ERC1: variants seen among roughly 807,000 people sequenced by gnomAD.
The protein encoded by ERC1 is ELKS/RAB6-interacting/CAST family member 1.
In ERC1, 56 loss-of-function variants were observed where a neutral mutation model predicts 132.0. That is an observed-to-expected ratio of 0.42 (90% CI 0.34 to 0.53). ERC1 has a LOEUF of 0.53. Ranked by LOEUF, ERC1 falls within the 20% of genes least tolerant of loss-of-function variation. ERC1 has a pLI of 0.03. For missense variants in ERC1, 1,202 were observed against 1,349.9 expected (o/e 0.89, Z 1.72); for synonymous variants, 478 against 476.1 (o/e 1.00, Z -0.05).
intron 8 of ERC1, chr12:1,152,462 A>C (rs1950925556): frequency 6.5e-6 from 1 of 152,842 alleles, no homozygotes; most frequent in African/African-American, 2.4e-5. Context: ...GCTGGGGTTG[A>C]GGAAGAAGAG....
At chr12:1,360,674 T>A (rs955032505) in intron 15 of ERC1, among the ~76,000 whole-genome samples, 3 of 152,158 alleles carry the variant, frequency 2.0e-5, no homozygotes, top group Non-Finnish European at 2.9e-5. Flanking sequence ...TGGAATAAAT[T>A]TTTGTGTAAC....
chr12:1,048,149 A>T (rs1253505615), intron 2 of ERC1, among the ~76,000 whole-genome samples: 1 of 152,078 alleles, frequency 6.6e-6, no homozygotes, highest in Admixed American at 6.6e-5. Context: ...ATGTTTTTGC[A>T]TTTGTTTGGT....
intron 18 of ERC1, among the ~76,000 whole-genome samples, chr12:1,478,448 T>C (rs1048347897): frequency 6.6e-6 from 1 of 152,236 alleles, no homozygotes; most frequent in African/African-American, 2.4e-5. Flanking sequence ...ACATCAGATA[T>C]GTATCTTCTC....
chr12:1,112,164 A>G (rs1343123511), intron 5 of ERC1, 51 bp from the exon 6 acceptor site: 1 of 1,263,446 alleles, frequency 7.9e-7, no homozygotes, highest in Non-Finnish European at 1.2e-6. Context: ...GTAGACAAGA[A>G]GAAGACCTAA....
chr12:1,454,031 T>C (rs1592156590), intron 18 of ERC1, among the ~76,000 whole-genome samples: 1 of 152,076 alleles, frequency 6.6e-6, no homozygotes, highest in African/African-American at 2.4e-5. Context: ...TGATAGATGG[T>C]TGGGACTCTC....
At chr12:1,065,610 G>A (rs1415176472) in intron 2 of ERC1, among the ~76,000 whole-genome samples, 1 of 148,526 alleles carries the variant, frequency 6.7e-6, no homozygotes, top group Admixed American at 6.7e-5. Flanking sequence ...GGGGGGGACG[G>A]ATTTCTTCCT....
intron 7 of ERC1, among the ~76,000 whole-genome samples, chr12:1,139,634 C>T (rs1012392750): frequency 1.3e-5 from 2 of 151,734 alleles, no homozygotes; most frequent in African/African-American, 2.4e-5. Context: ...CAAAAATATA[C>T]ATGAACACAT....
In ERC1 at chr12:1,491,713, C is replaced by T. The variant is rs938334899; in HGVS notation, c.*1483C>T. The stretch of plus-strand genomic sequence containing the variant: ...CTACTTGTGGGTGGCCATTTCCTGA[C>T]ATCTGCATGTACCTCGTGGAATTCA... On this transcript the variant is annotated 3_prime_UTR_variant, in exon 19 of 19. Transcript: ENST00000360905. 9.1e-5 allele frequency: 21 copies of T among 230,898 alleles called. No homozygotes were observed. The highest frequency in any genetic ancestry group is 3.5e-4 in the African/African-American group (16 of 45,172). The allele number at this position is 230,898 out of a possible 1,614,324, so 14.3% of individuals were successfully genotyped here.
chr12:1,484,282 T>C (rs61912165), intron 18 of ERC1, among the ~76,000 whole-genome samples: 4,671 of 151,356 alleles, frequency 0.031, 131 homozygotes, highest in Non-Finnish European at 0.039. Context: ...TCCAGCCTGG[T>C]GACAGAGCGA....
intron 3 of ERC1, 49 bp downstream of exon 3, chr12:1,083,629 T>TC (rs1238866350): frequency 1.4e-6 from 2 of 1,415,374 alleles, no homozygotes; most frequent in South Asian, 1.4e-5. Context: ...ATCTTTTTTT[T>TC]CACTGATTAA....
chr12:1,440,317 G>A (rs533549185), intron 17 of ERC1, among the ~76,000 whole-genome samples: 1 of 142,952 alleles, frequency 7.0e-6, no homozygotes, highest in African/African-American at 2.7e-5. Flanking sequence ...CCATTCTCCT[G>A]CCTCAGCCTC....
chr12:1,124,570 AAAGC>A (rs1442608747), intron 7 of ERC1, among the ~76,000 whole-genome samples: 2 of 151,918 alleles, frequency 1.3e-5, no homozygotes, highest in African/African-American at 2.4e-5. Flanking sequence ...ATAAGAAAGA[AAAGC>A]AAGTAATCTA....
At chr12:1,418,153 C>G (rs73026496) in intron 17 of ERC1, among the ~76,000 whole-genome samples, 7,874 of 152,128 alleles carry the variant, frequency 0.052, 273 homozygotes, top group East Asian at 0.094. Context: ...TTTTTAAAGA[C>G]GTTATTATGC....
intron 8 of ERC1, among the ~76,000 whole-genome samples, chr12:1,164,818 A>C (rs753848614): frequency 2.0e-5 from 3 of 152,210 alleles, no homozygotes; most frequent in Non-Finnish European, 4.4e-5. Context: ...GTTGGAAATC[A>C]AAGAGTGAGT....
At chr12:1,292,740 G>T (rs780793362) in intron 15 of ERC1, among the ~76,000 whole-genome samples, 2 of 152,228 alleles carry the variant, frequency 1.3e-5, no homozygotes, top group Non-Finnish European at 2.9e-5. Flanking sequence ...GCCGGGCACG[G>T]TGGTTCACAC....
intron 1 of ERC1, among the ~76,000 whole-genome samples, chr12:1,018,143 A>G (rs1965807648): frequency 6.6e-6 from 1 of 152,230 alleles, no homozygotes; most frequent in Non-Finnish European, 1.5e-5. Context: ...TTCAGGGGAT[A>G]GATGACAAAA....
At chr12:1,236,736 T>G (rs2075439630) in intron 12 of ERC1, 33 bp from the exon 13 acceptor site, 1 of 1,602,562 alleles carries the variant, frequency 6.2e-7, no homozygotes, top group African/African-American at 1.4e-5. Context: ...TACATACATA[T>G]GCAAAGCTTG....
chr12:1,406,493 G>A (rs1055946228), intron 16 of ERC1, among the ~76,000 whole-genome samples: 9 of 152,162 alleles, frequency 5.9e-5, no homozygotes, highest in African/African-American at 2.2e-4. Flanking sequence ...TAGAGAAAAA[G>A]TAGAATAAAT....
chr12:1,485,149 A>G (rs1592347542), intron 18 of ERC1, among the ~76,000 whole-genome samples: 1 of 151,502 alleles, frequency 6.6e-6, no homozygotes, highest in African/African-American at 2.4e-5. Context: ...TCAGCCTCCC[A>G]AAGTGCTGGG....
Sources: gnomAD v4.1 joint callset for allele counts (sites outside exome capture counted in the v4.1 genomes callset) on GRCh38, gnomAD v4.1.1 for gene constraint, MANE v1.5 for transcripts, NCBI Gene and HGNC (gene_info 2026-07-23, HGNC 2026-07-21) for gene names.